FBN3: variants seen among roughly 807,000 people sequenced by gnomAD.
The protein encoded by FBN3 is fibrillin 3.
A neutral mutation model predicts 330.1 loss-of-function variants in FBN3; 234 were observed. The observed-to-expected ratio is 0.71, with a 90% CI of 0.64 to 0.79. FBN3 has a LOEUF of 0.79. FBN3 is among the 30% of genes least tolerant of loss of function. The probability of loss-of-function intolerance (pLI) is 0.00; values close to 1 mark genes in which losing one functional copy is unlikely to be tolerated. For missense variants in FBN3, 3,606 were observed against 3,886.9 expected, an observed-to-expected ratio of 0.93 and a Z score of 1.92; for synonymous variants, 1,458 against 1,517.3, an observed-to-expected ratio of 0.96 and a Z score of 0.91.
Position 8,116,772 on chromosome 19 carries a change from CG to C in FBN3, c.3613del (p.Arg1205AlafsTer29), listed in dbSNP as rs1568418638. The C allele has an allele frequency of 3.7e-6, 6 of 1,613,992 alleles. No individual in the cohort carries two copies. The highest frequency in any genetic ancestry group is 5.1e-6 in the Non-Finnish European group (6 of 1,179,962). On this transcript the variant is annotated frameshift_variant, in exon 29 of 64. Coordinates refer to ENST00000600128, the MANE Select transcript of FBN3 (RefSeq NM_032447.5). LOFTEE classifies it high-confidence loss of function. ...GGTGCAGTGGCCTTGGTCACAAACG[CG>C]GGGGTTCTCTTCACACTCGTCCACG... is the stretch of plus-strand genomic sequence containing the variant. ...ADVDECEENP[R>X]VCDQGHCTNM...
chr19:8,130,064 A>G (rs1395673774), intron 16 of FBN3, among the ~76,000 whole-genome samples: 1 of 151,782 alleles, frequency 6.6e-6, no homozygotes. Flanking sequence ...CGGCTGGCTA[A>G]TTTTTCTATT....
intron 3 of FBN3, 27 bp downstream of exon 3, chr19:8,147,077 C>T: frequency 1.3e-6 from 2 of 1,540,866 alleles, no homozygotes; most frequent in Non-Finnish European, 1.7e-6. Flanking sequence ...CTGTGCCCCC[C>T]CACCTCCAGA....
intron 13 of FBN3, 25 bp downstream of exon 13, chr19:8,135,936 G>GGGGGGGGGGGGGGGGGGGGGGGCGCCC: frequency 1.5e-6 from 1 of 668,778 alleles, no homozygotes; most frequent in Non-Finnish European, 2.4e-6. Context: ...GGAAGCCCCT[G>GGGGGGGGGGGGGGGGGGGGGGGCGCCC]CCCACCCGCC....
At chr19:8,118,848 C>T (rs766724676) in intron 26 of FBN3, 49 bp downstream of exon 26, 1 of 1,578,822 alleles carries the variant, frequency 6.3e-7, no homozygotes, top group East Asian at 2.3e-5. Flanking sequence ...CACTCACTTT[C>T]ACACACATGG....
At chr19:8,135,936 G>GGGGGGGGGGGGGGGGGGGGCCCCCCC in intron 13 of FBN3, 25 bp downstream of exon 13, 14 of 668,748 alleles carry the variant, frequency 2.1e-5, no homozygotes, top group East Asian at 7.9e-5. Flanking sequence ...GGAAGCCCCT[G>GGGGGGGGGGGGGGGGGGGGCCCCCCC]CCCACCCGCC....
At chr19:8,148,314 C>T (rs1392377204) in intron 1 of FBN3, among the ~76,000 whole-genome samples, 2 of 152,168 alleles carry the variant, frequency 1.3e-5, no homozygotes, top group African/African-American at 4.8e-5. Context: ...GGGCTGGATG[C>T]CTCCCTGGGC....
Position 8,083,319 on chromosome 19 carries a change from T to G in FBN3, c.7141A>C (p.Asn2381His). Reference protein sequence around the residue: ...AHLCAHGECINSLGSFRCHCQ... With the variant: ...AHLCAHGECIHSLGSFRCHCQ... ...TGGCAGCGGAAGGAGCCAAGGCTGT[T>G]GATGCACTCCCCATGAGCACACAGG... Residue 2381 changes from asparagine (N) to histidine (H), a missense_variant, in exon 57 of 64, where the codon AAC (asparagine) becomes CAC (histidine). Coordinates refer to ENST00000600128, the MANE Select transcript of FBN3 (RefSeq NM_032447.5). 1 of 1,614,084 alleles carries G rather than the reference T, an allele frequency of 6.2e-7. No individual in the cohort carries two copies. Among genetic ancestry groups the G allele is most frequent in the South Asian group, 1.1e-5 (1 of 91,076 alleles).
Position 8,102,730 on chromosome 19 carries a change from TG to T in FBN3, c.5082del (p.Ile1695SerfsTer44), listed in dbSNP as rs1465423784. 2 of 1,612,080 alleles carry T rather than the reference TG, an allele frequency of 1.2e-6. No individual in the cohort carries two copies. The highest frequency in any genetic ancestry group is 8.5e-7 in the Non-Finnish European group (1 of 1,178,876). ...WNRPCEACPT[P>X]ISPDYQILCG... ...GTTGGGGAGGGTTACTCACGACTGA[TG>T]GGAGTGGGGCAGGCCTCACAGGGTC... is the stretch of plus-strand genomic sequence containing the variant. On this transcript the variant is annotated frameshift_variant, in exon 40 of 64. Transcript: ENST00000600128. LOFTEE classifies it high-confidence loss of function.
At chr19:8,086,468 A>ATTTTT (rs373108511) in intron 54 of FBN3, 143 bp from the exon 55 acceptor site, 2 of 279,108 alleles carry the variant, frequency 7.2e-6, no homozygotes, top group Non-Finnish European at 1.2e-5. Context: ...TATTATTATT[A>ATTTTT]TTTTTTGAGA....
chr19:8,129,150 A>T lies in FBN3; in HGVS notation c.2174T>A (p.Val725Glu). The T allele has an allele frequency of 2.5e-6, 4 of 1,591,216 alleles. No individual in the cohort carries two copies. Among genetic ancestry groups the T allele is most frequent in the Non-Finnish European group, 2.6e-6 (3 of 1,167,188 alleles). Residue 725 changes from valine (V) to glutamate (E), a missense_variant, in exon 18 of 64, where the codon GTG becomes GAG. By Grantham distance (121) the Val-to-Glu change is moderately radical (BLOSUM62 -2). Transcript: ENST00000600128. This position sits in a 1 kb window ranked among gnomAD's most constrained non-coding sequence, Gnocchi z 4.5. ...AGASGKDCTDVDECALNSLLC... is the reference protein window; with the variant it reads ...AGASGKDCTDEDECALNSLLC... ...GAGGCTGTTGAGGGCACACTCATCC[A>T]CGTCTGTGGGGTGGGGGTGGGAGAG... is the stretch of plus-strand genomic sequence containing the variant.
At position 8,087,945 on chromosome 19, in the gene FBN3, T is replaced by C; in HGVS notation, c.6499A>G (p.Ile2167Val). The C allele has an allele frequency of 6.2e-7, 1 of 1,614,094 alleles. No individual in the cohort carries two copies. Among genetic ancestry groups the C allele is most frequent in the Non-Finnish European group, 8.5e-7 (1 of 1,180,010 alleles). Residue 2167 changes from isoleucine (I) to valine (V), a missense_variant and splice_region_variant, in exon 53 of 64, where the codon ATC becomes GTC. By Grantham distance (29) the Ile-to-Val change is conservative. Coordinates refer to ENST00000600128, the MANE Select transcript of FBN3 (RefSeq NM_032447.5). ...EPGLMMTCED[I>V]DECSLNPLLC... is the part of the protein sequence containing the mutation. ...AGCGGGTTCAGGGAGCATTCGTCGA[T>C]GTCTGGGGAGGCCAGTGGAGGTGCC...
intron 63 of FBN3, among the ~76,000 whole-genome samples, chr19:8,066,486 G>A (rs1881142424): frequency 6.6e-6 from 1 of 152,186 alleles, no homozygotes; most frequent in South Asian, 2.1e-4. Flanking sequence ...AATACGGCAT[G>A]TTCTCAGTTA....
At chr19:8,106,662 T>A (rs527727085) in intron 37 of FBN3, among the ~76,000 whole-genome samples, 32 of 149,800 alleles carry the variant, frequency 2.1e-4, no homozygotes, top group Non-Finnish European at 3.6e-4. Flanking sequence ...AGATGATGAG[T>A]GAGTGGATGG....
chr19:8,116,569 G>T, intron 29 of FBN3, 105 bp downstream of exon 29: 1 of 1,212,510 alleles, frequency 8.2e-7, no homozygotes, highest in East Asian at 2.4e-5. Flanking sequence ...GCAGGGGTGG[G>T]GCCTGGCATT....
intron 39 of FBN3, 120 bp downstream of exon 39, chr19:8,103,440 ATG>A: frequency 1.0e-6 from 1 of 1,004,814 alleles, no homozygotes; most frequent in Non-Finnish European, 1.5e-6. Context: ...TTACTGCCAC[ATG>A]TCAGCACTTC....
At chr19:8,071,260 G>T (rs1190132344) in intron 63 of FBN3, among the ~76,000 whole-genome samples, 1 of 152,192 alleles carries the variant, frequency 6.6e-6, no homozygotes, top group African/African-American at 2.4e-5. Flanking sequence ...CACCTTGATG[G>T]GGTGGCCCGA....
Position 8,065,958 on chromosome 19 carries a change from G to T in FBN3, c.8391C>A (p.Gly2797=). Residue 2797 remains glycine (G), a synonymous_variant, in exon 64 of 64, where the codon GGC becomes GGA. Transcript: ENST00000600128. ...VQPEGQPGPW[G]QALRLKVQLQ... ...GCTGCACCTTCAGCCTCAAGGCCTG[G>T]CCCCATGGCCCTGGCTGCCCCTCTG... The T allele has an allele frequency of 6.2e-7, 1 of 1,608,158 alleles. No homozygotes were observed. Among genetic ancestry groups the T allele is most frequent in the African/African-American group, 1.3e-5 (1 of 74,946 alleles).
chr19:8,089,456 C>A (rs1338085213), intron 51 of FBN3, 89 bp downstream of exon 51: 14 of 1,491,648 alleles, frequency 9.4e-6, no homozygotes, highest in Non-Finnish European at 1.2e-5. Flanking sequence ...ATCTCACCCA[C>A]TGCCTGGGGG....
chr19:8,102,802 G>C lies in FBN3; in HGVS notation c.5011C>G (p.Arg1671Gly). Residue 1671 changes from arginine (R) to glycine (G), a missense_variant, in exon 40 of 64, where the codon CGG becomes GGG. Transcript: ENST00000600128. ...TTGTAGGAGCAGCAACACATTTTCCGGGTCACGTTGAAGGCCAGCTCATTT... is the reference window on the plus strand; with the variant it reads ...TTGTAGGAGCAGCAACACATTTTCCCGGTCACGTTGAAGGCCAGCTCATTT... Reference protein sequence around the residue: ...CQNELAFNVTRKMCCCSYNIG... With the variant: ...CQNELAFNVTGKMCCCSYNIG... 1 of 1,614,044 alleles carries C rather than the reference G, an allele frequency of 6.2e-7. No individual in the cohort carries two copies. The highest frequency in any genetic ancestry group is 8.5e-7 in the Non-Finnish European group (1 of 1,179,994).
Sources: allele counts gnomAD v4.1 joint callset (sites outside exome capture counted in the v4.1 genomes callset), GRCh38; gene constraint gnomAD v4.1.1; non-coding constraint Gnocchi (gnomAD v3.1); transcripts MANE v1.5; gene names NCBI Gene and HGNC (gene_info 2026-07-23, HGNC 2026-07-21).